Variants in TYW1B observed in about 807,000 individuals in gnomAD.
The protein encoded by TYW1B is tRNA-yW synthesizing protein 1 homolog B.
TYW1B carries 73 observed loss-of-function variants against 86.9 expected under a neutral mutation model. That is an observed-to-expected ratio of 0.84 (90% CI 0.70 to 1.02). The LOEUF (loss-of-function observed/expected upper bound fraction) is 1.02. Among genes scored for constraint, TYW1B ranks in the 50% least tolerant of loss-of-function variants. The pLI, the probability that TYW1B is intolerant of heterozygous loss-of-function variation, is 0.00. For synonymous variants in TYW1B, 248 were observed against 292.8 expected (o/e 0.85, Z 1.56); for missense variants, 637 against 827.4 (o/e 0.77, Z 2.82).
At chr7:72,579,791 C>T (rs1554429345) in intron 13 of TYW1B, among the ~76,000 whole-genome samples, 1 of 152,206 alleles carries the variant, frequency 6.6e-6, no homozygotes, top group Non-Finnish European at 1.5e-5. Flanking sequence ...GCTGAGACTA[C>T]AGGTACATGT....
intron 8 of TYW1B, among the ~76,000 whole-genome samples, chr7:72,740,850 C>A (rs1365390022): frequency 1.3e-5 from 2 of 151,646 alleles, no homozygotes; most frequent in African/African-American, 2.4e-5. Flanking sequence ...CCTGCCTCAG[C>A]CTCCCAAGTA....
At position 72,725,215 on chromosome 7, in the gene TYW1B, C is replaced by T. The variant is rs542689837; in HGVS notation, c.1192+3607G>A. 9.4e-4 allele frequency among the ~76,000 whole-genome samples: 143 copies of T among 152,232 alleles called. 1 individual carries two copies. The Middle Eastern group carries it at 0.01, about 11-fold the overall frequency. Reference sequence around the variant, plus strand: ...TCCATTTAAAGTGCATTTGCAAAAACGCTCCTGTCAGAAAAATTACTATCC... The same window carrying T: ...TCCATTTAAAGTGCATTTGCAAAAATGCTCCTGTCAGAAAAATTACTATCC... On this transcript the variant is annotated intron_variant, in intron 9 of 13. Transcript: ENST00000620995.
chr7:72,806,772 T>G (rs1788502627), intron 5 of TYW1B, among the ~76,000 whole-genome samples: 1 of 151,956 alleles, frequency 6.6e-6, no homozygotes. Flanking sequence ...CAACTCCACC[T>G]CCTACGTAGC....
chr7:72,632,287 A>ATATATATATATATATATAT (rs1259821049), intron 11 of TYW1B, among the ~76,000 whole-genome samples: 9 of 110,294 alleles, frequency 8.2e-5, no homozygotes, highest in Non-Finnish European at 1.3e-4. Flanking sequence ...ATATACGTGT[A>ATATATATATATATATATAT]TATATATATA....
chr7:72,798,670 T>A (rs1554475024), intron 6 of TYW1B, among the ~76,000 whole-genome samples: 1 of 152,102 alleles, frequency 6.6e-6, no homozygotes, highest in East Asian at 1.9e-4. Context: ...TAAATGCATA[T>A]GTGATTTTGG....
At chr7:72,631,405 T>C (rs1812488165) in intron 11 of TYW1B, among the ~76,000 whole-genome samples, 1 of 152,190 alleles carries the variant, frequency 6.6e-6, no homozygotes, top group East Asian at 1.9e-4. Context: ...TCCAAGCTAC[T>C]TGGGAAGCTG....
intron 2 of TYW1B, among the ~76,000 whole-genome samples, chr7:72,818,915 C>A (rs561934338): frequency 9.2e-5 from 14 of 152,192 alleles, no homozygotes; most frequent in African/African-American, 3.1e-4. Context: ...AAGCACCTCC[C>A]GCCAAGCCCC....
At chr7:72,794,472 C>T (rs1419694219) in intron 6 of TYW1B, among the ~76,000 whole-genome samples, 1 of 151,884 alleles carries the variant, frequency 6.6e-6, no homozygotes, top group Admixed American at 6.6e-5. Context: ...AGGAGAATCG[C>T]TTGAACCTGG....
chr7:72,623,343 T>C (rs1190009638), intron 12 of TYW1B, among the ~76,000 whole-genome samples: 1 of 152,164 alleles, frequency 6.6e-6, no homozygotes, highest in Non-Finnish European at 1.5e-5. Flanking sequence ...ATTTGTATTA[T>C]TGATTTCACA....
intron 13 of TYW1B, among the ~76,000 whole-genome samples, chr7:72,603,298 A>G: frequency 6.6e-6 from 1 of 150,826 alleles, no homozygotes; most frequent in South Asian, 2.1e-4. Context: ...CAGATGACAG[A>G]TGATTGATGG....
intron 12 of TYW1B, among the ~76,000 whole-genome samples, chr7:72,625,058 CA>C (rs57613692): frequency 0.49 from 62,450 of 126,342 alleles, 14,708 homozygotes; most frequent in African/African-American, 0.71. Flanking sequence ...GAACCTGTCT[CA>C]AAAAAAAAAA....
intron 7 of TYW1B, among the ~76,000 whole-genome samples, chr7:72,764,755 A>T: frequency 6.6e-6 from 1 of 152,238 alleles, no homozygotes; most frequent in South Asian, 2.1e-4. Context: ...AAGATCAAGC[A>T]AAACTAAAAT....
At chr7:72,611,896 T>C (rs781816653) in intron 13 of TYW1B, among the ~76,000 whole-genome samples, 1 of 152,192 alleles carries the variant, frequency 6.6e-6, no homozygotes, top group Non-Finnish European at 1.5e-5. Flanking sequence ...GAGCTCCTTG[T>C]GGGTGGGGAA....
chr7:72,625,565 G>A (rs1354615881), intron 12 of TYW1B, among the ~76,000 whole-genome samples: 1 of 142,654 alleles, frequency 7.0e-6, no homozygotes, highest in Non-Finnish European at 1.5e-5. Context: ...GGGAGGCTGA[G>A]GTGGGAGGAT....
chr7:72,734,763 A>G (rs1787170794), intron 8 of TYW1B, among the ~76,000 whole-genome samples: 1 of 152,190 alleles, frequency 6.6e-6, no homozygotes, highest in African/African-American at 2.4e-5. Context: ...CCAACAGCAA[A>G]AAAACCCACA....
rs1554463211 is a variant in TYW1B at position 72,744,562 on chromosome 7, A to G, written c.1004T>C (p.Ile335Thr). The G allele has an allele frequency of 6.2e-7, 1 of 1,613,628 alleles. No homozygotes were observed. Among genetic ancestry groups the G allele is most frequent in the South Asian group, 1.1e-5 (1 of 91,068 alleles). Residue 335 changes from isoleucine (I) to threonine (T), a missense_variant, in exon 8 of 14, where the codon ATT (isoleucine) becomes ACT (threonine). By Grantham distance (89) the Ile-to-Thr change is moderately conservative (BLOSUM62 -1). Coordinates refer to ENST00000620995, the MANE Select transcript of TYW1B (RefSeq NM_001145440.3). ...GCAGCGATGGCTCTCATTCCATAGA[A>G]TGTGTGTTTGTAACAAGCTCCTCTC... ...PRERSLLQTH[I>T]LWNESHRCME... is the part of the protein sequence containing the mutation.
chr7:72,697,333 G>T (rs1337890411), intron 10 of TYW1B, among the ~76,000 whole-genome samples: 2 of 151,960 alleles, frequency 1.3e-5, no homozygotes, highest in Non-Finnish European at 2.9e-5. Context: ...AGTCCAATAA[G>T]GAATTCTAGT....
At chr7:72,628,417 C>A (rs1348824708) in intron 12 of TYW1B, among the ~76,000 whole-genome samples, 2 of 152,086 alleles carry the variant, frequency 1.3e-5, no homozygotes, top group African/African-American at 4.8e-5. Context: ...GGGCTAAGAG[C>A]AGAGAAAATG....
At chr7:72,600,067 A>G (rs1376231449) in intron 13 of TYW1B, among the ~76,000 whole-genome samples, 2 of 152,196 alleles carry the variant, frequency 1.3e-5, no homozygotes, top group African/African-American at 4.8e-5. Context: ...AATAGCCAAC[A>G]TAATAGTGAA....
Sources: gnomAD v4.1 joint callset for allele counts (sites outside exome capture counted in the v4.1 genomes callset) on GRCh38, gnomAD v4.1.1 for gene constraint, MANE v1.5 for transcripts, NCBI Gene and HGNC (gene_info 2026-07-23, HGNC 2026-07-21) for gene names.